The following FAF1 variants were observed in gnomAD, a reference collection of about 807,000 sequenced individuals.
FAF1 encodes FAS-associated factor 1.
Under a neutral mutation model 92.5 loss-of-function variants are expected in FAF1, and 25 were observed. The observed-to-expected ratio is 0.27, with a 90% CI of 0.20 to 0.38. The LOEUF is 0.38. FAF1 is among the 10% of genes least tolerant of loss of function. The pLI is 1.00. For synonymous variants in FAF1, 234 were observed against 273.2 expected (o/e 0.86, Z 1.42); for missense variants, 636 against 793.3 (o/e 0.80, Z 2.38).
chr1:50,944,285 A>C (rs115979111), intron 1 of FAF1, among the ~76,000 whole-genome samples: 1,983 of 152,336 alleles, frequency 0.013, 43 homozygotes, highest in African/African-American at 0.044. Flanking sequence ...GCAGTCAGCT[A>C]AATTTAATGT....
rs557569117 is a variant in FAF1 at position 50,764,947 on chromosome 1, A to G, written c.368-20172T>C. Among the ~76,000 whole-genome samples the G allele has an allele frequency of 2.0e-5, 3 of 152,332 alleles. No homozygotes were observed. In the East Asian group the frequency reaches 5.8e-4, roughly 29 times the overall value. On this transcript the variant is annotated intron_variant, in intron 4 of 18. Coordinates refer to ENST00000396153, the MANE Select transcript of FAF1 (RefSeq NM_007051.3). ...TACGTTGGAAACTAGGGTGGTTCAC[A>G]TTCATGTGGCTCTATGTTAACACAA...
chr1:50,657,164 A>G (rs914404143), intron 7 of FAF1, among the ~76,000 whole-genome samples: 11 of 151,954 alleles, frequency 7.2e-5, no homozygotes, highest in African/African-American at 2.7e-4. Flanking sequence ...GTGAGCCATG[A>G]TCATGCCACC....
At chr1:50,637,346 G>A (rs1198729550) in intron 8 of FAF1, among the ~76,000 whole-genome samples, 5 of 150,824 alleles carry the variant, frequency 3.3e-5, no homozygotes, top group African/African-American at 1.2e-4. Context: ...CCAGCTACTC[G>A]GGAGGCTGAG....
chr1:50,822,689 C>T (rs1435194915), intron 2 of FAF1, among the ~76,000 whole-genome samples: 2 of 151,530 alleles, frequency 1.3e-5, no homozygotes, highest in Non-Finnish European at 2.9e-5. Context: ...ATTGAATTTG[C>T]GAGCTAAAAC....
intron 1 of FAF1, among the ~76,000 whole-genome samples, chr1:50,922,972 T>C (rs187681851): frequency 6.6e-6 from 1 of 152,028 alleles, no homozygotes; most frequent in Non-Finnish European, 1.5e-5. Context: ...CAAAAGATCA[T>C]TGCAGGATAT....
chr1:50,771,001 G>A (rs912373006), intron 4 of FAF1, among the ~76,000 whole-genome samples: 1 of 152,190 alleles, frequency 6.6e-6, no homozygotes, highest in Non-Finnish European at 1.5e-5. Context: ...AACAAATGGG[G>A]AAAGGCTCCC....
At chr1:50,683,594 A>G (rs1309110065) in intron 7 of FAF1, among the ~76,000 whole-genome samples, 1 of 151,992 alleles carries the variant, frequency 6.6e-6, no homozygotes, top group Non-Finnish European at 1.5e-5. Flanking sequence ...TAAAACTGAT[A>G]GGAACCTTAA....
intron 13 of FAF1, among the ~76,000 whole-genome samples, chr1:50,553,131 G>A (rs1378139924): frequency 6.6e-6 from 1 of 152,140 alleles, no homozygotes; most frequent in African/African-American, 2.4e-5. Context: ...AAGGGTAGAT[G>A]GGGTGAGAGA....
chr1:50,577,911 A>G (rs1317736019), intron 12 of FAF1, among the ~76,000 whole-genome samples: 1 of 152,244 alleles, frequency 6.6e-6, no homozygotes, highest in Non-Finnish European at 1.5e-5. Context: ...ATTCCTCAAG[A>G]AAAAAGGCAA....
At chr1:50,675,527 C>T (rs1656081496) in intron 7 of FAF1, among the ~76,000 whole-genome samples, 1 of 152,170 alleles carries the variant, frequency 6.6e-6, no homozygotes, top group Non-Finnish European at 1.5e-5. Context: ...ATGTAGGGTT[C>T]AGCATTACCA....
chr1:50,584,175 CATT>C (rs967132501), intron 10 of FAF1, among the ~76,000 whole-genome samples: 2 of 151,924 alleles, frequency 1.3e-5, no homozygotes, highest in Admixed American at 1.3e-4. Flanking sequence ...GTAAATAGGC[CATT>C]ATTATTTTAG....
At chr1:50,696,694 A>G (rs1473151105) in intron 7 of FAF1, among the ~76,000 whole-genome samples, 1 of 152,196 alleles carries the variant, frequency 6.6e-6, no homozygotes, top group Non-Finnish European at 1.5e-5. Flanking sequence ...AAGTACAAAC[A>G]GAATTGGTTT....
In FAF1 at chr1:50,689,186, A is replaced by G. The variant is rs911305482; in HGVS notation, c.657+16600T>C. Among the ~76,000 whole-genome samples, 4 of 152,254 alleles carry G rather than the reference A, an allele frequency of 2.6e-5. No individual in the cohort carries two copies. The South Asian group carries it at 8.3e-4, about 32-fold the overall frequency. The stretch of plus-strand genomic sequence containing the variant: ...AATGGTTAAAATGCTAAATTTTGTT[A>G]TGTATATTTTACAATTAGAAAAAAC... On this transcript the variant is annotated intron_variant, in intron 7 of 18. Transcript: ENST00000396153.
intron 5 of FAF1, among the ~76,000 whole-genome samples, chr1:50,742,979 C>G (rs1659446533): frequency 6.6e-6 from 1 of 152,094 alleles, no homozygotes; most frequent in Non-Finnish European, 1.5e-5. Context: ...ACATAAAATT[C>G]AAATGTCTGC....
rs574270164 is a variant in FAF1 at position 50,915,743 on chromosome 1, A to T, written c.45+44024T>A. On this transcript the variant is annotated intron_variant, in intron 1 of 18. Coordinates refer to ENST00000396153, the MANE Select transcript of FAF1 (RefSeq NM_007051.3). ...GAGAAAAAAGGTATGTATTCTAGAG[A>T]TGTTGAAATAAATATTTCAGGCTCA... Among the ~76,000 whole-genome samples the T allele has an allele frequency of 2.6e-5, 4 of 152,200 alleles. No individual in the cohort carries two copies. The East Asian group carries it at 7.7e-4, about 29-fold the overall frequency.
At chr1:50,762,668 C>T in intron 4 of FAF1, among the ~76,000 whole-genome samples, 1 of 152,192 alleles carries the variant, frequency 6.6e-6, no homozygotes, top group African/African-American at 2.4e-5. Context: ...TCCCTCCTTA[C>T]ACCTTATACA....
At chr1:50,808,537 C>T (rs890918600) in intron 2 of FAF1, among the ~76,000 whole-genome samples, 1 of 151,942 alleles carries the variant, frequency 6.6e-6, no homozygotes, top group African/African-American at 2.4e-5. Context: ...ATGCAAGAGA[C>T]CTATCACACC....
intron 1 of FAF1, among the ~76,000 whole-genome samples, chr1:50,911,019 C>T (rs1406021661): frequency 6.6e-6 from 1 of 151,980 alleles, no homozygotes; most frequent in African/African-American, 2.4e-5. Flanking sequence ...CCTCCTTTCA[C>T]CTTCCTTTTT....
At chr1:50,947,407 C>A (rs1645179544) in intron 1 of FAF1, among the ~76,000 whole-genome samples, 1 of 152,204 alleles carries the variant, frequency 6.6e-6, no homozygotes, top group Non-Finnish European at 1.5e-5. Context: ...TCTCATTCTT[C>A]CTATCTCTAT....
Sources: allele counts gnomAD v4.1 joint callset (sites outside exome capture counted in the v4.1 genomes callset), GRCh38; gene constraint gnomAD v4.1.1; transcripts MANE v1.5; gene names NCBI Gene and HGNC (gene_info 2026-07-23, HGNC 2026-07-21).